Variants in ATXN10 observed in about 807,000 individuals in gnomAD.
The protein encoded by ATXN10 is ataxin 10.
In ATXN10, 28 loss-of-function variants were observed where a neutral mutation model predicts 52.9. That is an observed-to-expected ratio of 0.53 (90% CI 0.39 to 0.73). ATXN10 has a LOEUF of 0.73. ATXN10 is among the 30% of genes least tolerant of loss of function. The pLI is 0.00. For missense variants in ATXN10, 565 were observed against 577.0 expected, an observed-to-expected ratio of 0.98 and a Z score of 0.21; for synonymous variants, 226 against 221.5, an observed-to-expected ratio of 1.02 and a Z score of -0.18.
At chr22:45,767,429 A>G (rs971106426) in intron 9 of ATXN10, among the ~76,000 whole-genome samples, 1 of 150,700 alleles carries the variant, frequency 6.6e-6, no homozygotes, top group Non-Finnish European at 1.5e-5. Context: ...ATGTATATAA[A>G]TATACATACA....
In ATXN10 at chr22:45,754,264, A is replaced by G. The variant is rs1342988793; in HGVS notation, c.1173+13726A>G. Among the ~76,000 whole-genome samples, 1 of 152,218 alleles carries G rather than the reference A, an allele frequency of 6.6e-6. No individual in the cohort carries two copies. Among genetic ancestry groups the G allele is most frequent in the Non-Finnish European group, 1.5e-5 (1 of 68,040 alleles). On this transcript the variant is annotated intron_variant, in intron 9 of 11. Transcript: ENST00000252934. This position sits in a 1 kb window ranked among gnomAD's most constrained non-coding sequence, Gnocchi z 5.4. ...GAAAAAACAGTTTAAATTCTAGGATATTCTTGCTTTCTACCCAGGCAACAC... is the reference window on the plus strand; with the variant it reads ...GAAAAAACAGTTTAAATTCTAGGATGTTCTTGCTTTCTACCCAGGCAACAC...
chr22:45,740,420 G>A lies in ATXN10; in HGVS notation c.1055G>A (p.Ser352Asn), dbSNP rs778508085. Residue 352 changes from serine to asparagine, a missense_variant, in exon 9 of 12, where the codon AGT becomes AAT. Transcript: ENST00000252934. ...GGAAAAGAAACCACAAACATCTTCA[G>A]TAATTGTGGTTGCGTGAGAGCAGAA... Reference protein sequence around the residue: ...VAGKETTNIFSNCGCVRAEGD... With the variant: ...VAGKETTNIFNNCGCVRAEGD... 1.9e-6 allele frequency: 3 copies of A among 1,613,844 alleles called. No individual in the cohort carries two copies. Among genetic ancestry groups the A allele is most frequent in the Non-Finnish European group, 2.5e-6 (3 of 1,179,928 alleles).
intron 7 of ATXN10, among the ~76,000 whole-genome samples, chr22:45,737,251 C>G (rs952402777): frequency 6.6e-6 from 1 of 152,200 alleles, no homozygotes; most frequent in Non-Finnish European, 1.5e-5. Context: ...CTGACATGAC[C>G]CTAGTAGCCT....
At chr22:45,807,165 C>T (rs1928128310) in intron 10 of ATXN10, 143 bp downstream of exon 10, 1 of 753,990 alleles carries the variant, frequency 1.3e-6, no homozygotes, top group Admixed American at 1.9e-5. Flanking sequence ...ATCATTTTCT[C>T]AGAGTTATGG....
At position 45,775,304 on chromosome 22, in the gene ATXN10, C is replaced by T. The variant is rs889458365; in HGVS notation, c.1174-31655C>T. On this transcript the variant is annotated intron_variant, in intron 9 of 11. Transcript: ENST00000252934. This position sits in a 1 kb window ranked among gnomAD's most constrained non-coding sequence, Gnocchi z 4.7. ...CCTGTCCCTGTGTTCACATCTGGAC[C>T]TCAACATAGGGCCTGTTAGCTGAGG... Among the ~76,000 whole-genome samples the T allele has an allele frequency of 3.9e-5, 6 of 152,118 alleles. No individual in the cohort carries two copies. The highest frequency in any genetic ancestry group is 2.1e-4 in the South Asian group (1 of 4,822).
intron 9 of ATXN10, among the ~76,000 whole-genome samples, chr22:45,802,244 G>A (rs1027900223): frequency 6.6e-6 from 1 of 152,198 alleles, no homozygotes; most frequent in Non-Finnish European, 1.5e-5. Context: ...GCTCCTCAGT[G>A]TGAACTGTAA....
At chr22:45,817,650 TAGTA>T (rs1226595853) in intron 10 of ATXN10, among the ~76,000 whole-genome samples, 2 of 151,920 alleles carry the variant, frequency 1.3e-5, no homozygotes, top group Non-Finnish European at 2.9e-5. Flanking sequence ...TTAAGTTGTA[TAGTA>T]ATTCTCCCAC....
rs1056520762 is a variant in ATXN10, at chr22:45,818,595, CGGGGCAGGGATCAGGGATCAACAGCCT to C, written c.1237+11594_1237+11620del. On this transcript the variant is annotated intron_variant, in intron 10 of 11. Transcript: ENST00000252934. This position sits in a 1 kb window ranked among gnomAD's most constrained non-coding sequence, Gnocchi z 4.6. ...GTGACCACCCTCGCTTTCAGCGGAC[CGGGGCAGGGATCAGGGATCAACAGCCT>C]GGGGCAGGGATCAGGGATCAGGGGG... Among the ~76,000 whole-genome samples the C allele has an allele frequency of 6.6e-6, 1 of 151,970 alleles. No homozygotes were observed. The highest frequency in any genetic ancestry group is 1.5e-5 in the Non-Finnish European group (1 of 67,998).
rs575945549 is a variant in ATXN10 at position 45,716,526 on chromosome 22, G to A, written c.648-1887G>A. 4.6e-5 allele frequency among the ~76,000 whole-genome samples: 7 copies of A among 151,980 alleles called. No homozygotes were observed. In the South Asian group the frequency reaches 1.5e-3, roughly 32 times the overall value. ...ATTTTTTTTGTGTGTTTTTGGTAGC[G>A]ATGGGGTTTCACTATGCTGTGTTGG... is the stretch of plus-strand genomic sequence containing the variant. On this transcript the variant is annotated intron_variant, in intron 5 of 11. Coordinates refer to ENST00000252934, the MANE Select transcript of ATXN10 (RefSeq NM_013236.4).
rs6006801 is a variant in ATXN10 at position 45,747,717 on chromosome 22, A to C, written c.1173+7179A>C. Among the ~76,000 whole-genome samples the C allele has an allele frequency of 3.8e-3, 580 of 152,234 alleles. 4 individuals carry two copies. Among genetic ancestry groups the C allele is most frequent in the African/African-American group, 0.013 (549 of 41,522 alleles). ...TGTTTAAATTTGGACAAGTGTCTCAACCTTTCTGAATCTCAGCTTCTTCAT... is the reference window on the plus strand; with the variant it reads ...TGTTTAAATTTGGACAAGTGTCTCACCCTTTCTGAATCTCAGCTTCTTCAT... On this transcript the variant is annotated intron_variant, in intron 9 of 11. Coordinates refer to ENST00000252934, the MANE Select transcript of ATXN10 (RefSeq NM_013236.4).
Position 45,684,968 on chromosome 22 carries a change from C to G in ATXN10, c.117-4744C>G, listed in dbSNP as rs986963577. Among the ~76,000 whole-genome samples the G allele has an allele frequency of 3.9e-5, 6 of 152,160 alleles. No homozygotes were observed. Among genetic ancestry groups the G allele is most frequent in the Non-Finnish European group, 7.4e-5 (5 of 68,022 alleles). On this transcript the variant is annotated intron_variant, in intron 1 of 11. Transcript: ENST00000252934. This position sits in a 1 kb window ranked among gnomAD's most constrained non-coding sequence, Gnocchi z 4.1. Reference sequence around the variant, plus strand: ...ACTTGTGTGGATTTTAATAGTTTTTCTCACTGGCAGTTGTTAAACTACTCT... The same window carrying G: ...ACTTGTGTGGATTTTAATAGTTTTTGTCACTGGCAGTTGTTAAACTACTCT...
At chr22:45,773,493 C>T (rs187952352) in intron 9 of ATXN10, among the ~76,000 whole-genome samples, 1 of 151,672 alleles carries the variant, frequency 6.6e-6, no homozygotes, top group Non-Finnish European at 1.5e-5. Context: ...GTGTCTCGCT[C>T]TGTCACCCAG....
At position 45,820,342 on chromosome 22, in the gene ATXN10, C is replaced by T. The variant is rs1928606273; in HGVS notation, c.1237+13320C>T. Among the ~76,000 whole-genome samples the T allele has an allele frequency of 6.6e-6, 1 of 152,196 alleles. No homozygotes were observed. Among genetic ancestry groups the T allele is most frequent in the Admixed American group, 6.5e-5 (1 of 15,284 alleles). ...AACAGGCCATTGTGATAATACAGGACAGAACGCTAAGGGGTGGTAGAAGAA... is the reference window on the plus strand; with the variant it reads ...AACAGGCCATTGTGATAATACAGGATAGAACGCTAAGGGGTGGTAGAAGAA... On this transcript the variant is annotated intron_variant, in intron 10 of 11. Coordinates refer to ENST00000252934, the MANE Select transcript of ATXN10 (RefSeq NM_013236.4). The surrounding 1 kb of genome is among the most constrained non-coding windows in gnomAD (Gnocchi z 4.9).
chr22:45,811,744 G>A, intron 10 of ATXN10: 2 of 471,078 alleles, frequency 4.2e-6, no homozygotes, highest in South Asian at 3.1e-5. Context: ...CCTGAACTTC[G>A]GCAGTGACTT....
intron 3 of ATXN10, among the ~76,000 whole-genome samples, chr22:45,695,311 C>T (rs1474423381): frequency 2.8e-5 from 4 of 142,702 alleles, no homozygotes; most frequent in East Asian, 2.1e-4. Context: ...GGCGACAGAG[C>T]GAGACTCCAC....
In ATXN10 at chr22:45,701,620, T is replaced by C. The variant is rs1445868013; in HGVS notation, c.489-1069T>C. ...AATAGGCATTGCTTATTTTTGAGAA[T>C]TCATTCCCTTAAAACGTTTTGGATA... On this transcript the variant is annotated intron_variant, in intron 4 of 11. Coordinates refer to ENST00000252934, the MANE Select transcript of ATXN10 (RefSeq NM_013236.4). This position sits in a 1 kb window ranked among gnomAD's most constrained non-coding sequence, Gnocchi z 4.2. 2.0e-5 allele frequency among the ~76,000 whole-genome samples: 3 copies of C among 152,236 alleles called. No homozygotes were observed. The highest frequency in any genetic ancestry group is 7.2e-5 in the African/African-American group (3 of 41,460).
chr22:45,673,350 A>C (rs1922550825), intron 1 of ATXN10: 1 of 152,252 alleles, frequency 6.6e-6, no homozygotes, highest in Non-Finnish European at 1.5e-5. Flanking sequence ...TGATCACTAG[A>C]GGACTTCCTC....
At chr22:45,832,884 G>A (rs564851767) in intron 10 of ATXN10, among the ~76,000 whole-genome samples, 81 of 152,282 alleles carry the variant, frequency 5.3e-4, no homozygotes, top group African/African-American at 1.9e-3. Context: ...CGCGTCAAGG[G>A]AGAGTTTTAG....
rs755902230 is a variant in ATXN10 at position 45,712,479 on chromosome 22, G to GGT, written c.648-5933_648-5932dup. Among the ~76,000 whole-genome samples the GGT allele has an allele frequency of 7.9e-5, 12 of 152,292 alleles. No individual in the cohort carries two copies. The South Asian group carries it at 1.9e-3, about 24-fold the overall frequency. The stretch of plus-strand genomic sequence containing the variant: ...GAAGCAGAATACCTTGATACTGAAG[G>GGT]GTAGACAGCGTAGCCAGTGTCACAC... On this transcript the variant is annotated intron_variant, in intron 5 of 11. Coordinates refer to ENST00000252934, the MANE Select transcript of ATXN10 (RefSeq NM_013236.4). The surrounding 1 kb of genome is among the most constrained non-coding windows in gnomAD (Gnocchi z 4.6).
Sources: gnomAD v4.1 joint callset for allele counts (sites outside exome capture counted in the v4.1 genomes callset) on GRCh38, gnomAD v4.1.1 for gene constraint, Gnocchi (gnomAD v3.1) non-coding constraint, MANE v1.5 for transcripts, NCBI Gene and HGNC (gene_info 2026-07-23, HGNC 2026-07-21) for gene names.